PALB2: variants seen among roughly 807,000 people sequenced by gnomAD.
PALB2 encodes the protein partner and localizer of BRCA2.
In PALB2, 82 loss-of-function variants were observed where a neutral mutation model predicts 107.4. That is an observed-to-expected ratio of 0.76 (90% CI 0.64 to 0.92). The LOEUF is 0.92. Among genes scored for constraint, PALB2 ranks in the 40% least tolerant of loss-of-function variants. The probability of loss-of-function intolerance (pLI) is 0.00; values close to 1 mark genes in which losing one functional copy is unlikely to be tolerated. For synonymous variants in PALB2, 489 were observed against 496.8 expected (o/e 0.98, Z 0.21); for missense variants, 1,374 against 1,379.9 (o/e 1.00, Z 0.07).
At chr16:23,626,448 T>C (rs1239860746) in intron 6 of PALB2, 51 bp from the exon 7 acceptor site, 1 of 1,599,304 alleles carries the variant, frequency 6.3e-7, no homozygotes, top group South Asian at 1.1e-5. Context: ...TGCTGTTTTA[T>C]GCAAAGCATA....
intron 11 of PALB2, among the ~76,000 whole-genome samples, chr16:23,610,923 C>T (rs1488863992): frequency 6.6e-6 from 1 of 151,778 alleles, no homozygotes; most frequent in Non-Finnish European, 1.5e-5. Context: ...ACCTGTAATC[C>T]CAGCTACTTG....
intron 1 of PALB2, among the ~76,000 whole-genome samples, chr16:23,638,807 T>C (rs1967130783): frequency 1.3e-5 from 2 of 152,086 alleles, no homozygotes; most frequent in African/African-American, 4.8e-5. Flanking sequence ...AGGGAGGCAT[T>C]TTTGACTATC....
In PALB2 at chr16:23,614,677, G is replaced by A. The variant is rs1365631687; in HGVS notation, c.3114-586C>T. On this transcript the variant is annotated intron_variant, in intron 10 of 12. Transcript: ENST00000261584. Reference sequence around the variant, plus strand: ...TTTTTTTTTTTTTTTTTGAGACGGAGTCTCGCTCTGTGGCCCAGGCTGGAG... The same window carrying A: ...TTTTTTTTTTTTTTTTTGAGACGGAATCTCGCTCTGTGGCCCAGGCTGGAG... Among the ~76,000 whole-genome samples the A allele has an allele frequency of 2.6e-4, 35 of 133,434 alleles. No homozygotes were observed. The South Asian group carries it at 5.0e-3, about 19-fold the overall frequency. 87.5% of individuals were successfully genotyped at this position (133,434 alleles called of 152,430 possible). A position where few individuals can be genotyped will look rare whatever the true frequency, so the allele number is the denominator to read the frequency against.
At chr16:23,611,778 G>A (rs1002408548) in intron 11 of PALB2, among the ~76,000 whole-genome samples, 2 of 152,090 alleles carry the variant, frequency 1.3e-5, no homozygotes, top group Non-Finnish European at 2.9e-5. Flanking sequence ...TTTTGGGACA[G>A]GGTCTCACTC....
rs1424944402 is a variant in PALB2 at position 23,641,137 on chromosome 16, C to T, written c.21G>A (p.Lys7=). 5 of 1,613,366 alleles carry T rather than the reference C, an allele frequency of 3.1e-6. No homozygotes were observed. Among genetic ancestry groups the T allele is most frequent in the South Asian group, 1.1e-5 (1 of 90,966 alleles). MDEPPG[K]PLSCEEKEKL... is the part of the protein sequence containing the mutation. ...TTTCCTTCTCCTCACAGCTGAGGGG[C>T]TTCCCGGGAGGCTCGTCCATCGGGC... Residue 7 remains lysine (K), a synonymous_variant, in exon 1 of 13, where the codon AAG becomes AAA. Transcript: ENST00000261584.
chr16:23,638,183 G>A lies in PALB2; in HGVS notation c.49-54C>T, dbSNP rs515726121. ...GGGCAAGTGGAAAGGTGGAGTCAGAGGGAAGGGATGCAGTGCTTGGCGGGG... is the reference window on the plus strand; with the variant it reads ...GGGCAAGTGGAAAGGTGGAGTCAGAAGGAAGGGATGCAGTGCTTGGCGGGG... On this transcript the variant is annotated intron_variant, in intron 1 of 12. Coordinates refer to ENST00000261584, the MANE Select transcript of PALB2 (RefSeq NM_024675.4). 6.2e-4 allele frequency: 899 copies of A among 1,448,962 alleles called. No individual in the cohort carries two copies. The highest frequency in any genetic ancestry group is 1.3e-3 in the Admixed American group (78 of 59,830). The allele number at this position is 1,448,962 out of a possible 1,614,324, so 89.8% of individuals were successfully genotyped here.
In PALB2 at chr16:23,630,235, G is replaced by T. The variant is rs760094988; in HGVS notation, c.1919C>A (p.Ser640Ter). The change falls in exon 5 of 13, where the codon TCA becomes TAA. Residue 640 changes from serine to a stop codon, truncating the protein, a stop_gained. Coordinates refer to ENST00000261584, the MANE Select transcript of PALB2 (RefSeq NM_024675.4). LOFTEE classifies it high-confidence loss of function. ...CSEKPVEPFE[S>*]KMFGERHLKE... ...AAGATGTCTCTCTCCAAACATTTTT[G>T]ACTCAAAGGGCTCCACTGGTTTTTC... 1 of 1,614,006 alleles carries T rather than the reference G, an allele frequency of 6.2e-7. No homozygotes were observed. The highest frequency in any genetic ancestry group is 8.5e-7 in the Non-Finnish European group (1 of 1,180,006).
Position 23,626,244 on chromosome 16 carries a change from A to G in PALB2, c.2740T>C (p.Phe914Leu), listed in dbSNP as rs2142353067. Residue 914 changes from phenylalanine (F) to leucine (L), a missense_variant, in exon 7 of 13, where the codon TTC becomes CTC. Coordinates refer to ENST00000261584, the MANE Select transcript of PALB2 (RefSeq NM_024675.4). Reference sequence around the variant, plus strand: ...TCGAGATTCCCACTTACCTCTGCGAAGTGCCAGGTATAAAGTTTTTCCCAC... The same window carrying G: ...TCGAGATTCCCACTTACCTCTGCGAGGTGCCAGGTATAAAGTTTTTCCCAC... ...WQWEKLYTWH[F>L]AEVPVLQIVP... 1 of 1,614,210 alleles carries G rather than the reference A, an allele frequency of 6.2e-7. No individual in the cohort carries two copies. Among genetic ancestry groups the G allele is most frequent in the Non-Finnish European group, 8.5e-7 (1 of 1,180,038 alleles).
At chr16:23,609,411 T>G (rs1425660228) in intron 11 of PALB2, among the ~76,000 whole-genome samples, 2 of 151,834 alleles carry the variant, frequency 1.3e-5, no homozygotes, top group Non-Finnish European at 2.9e-5. Context: ...AATGAGAGAG[T>G]GAGACCCTAT....
chr16:23,620,924 A>C (rs2142324230), intron 10 of PALB2, among the ~76,000 whole-genome samples: 1 of 152,244 alleles, frequency 6.6e-6, no homozygotes, highest in East Asian at 1.9e-4. Flanking sequence ...AAATACAAAA[A>C]TTAGCCAGGC....
chr16:23,623,096 T>G lies in PALB2; in HGVS notation c.2869A>C (p.Lys957Gln), dbSNP rs515726103. Residue 957 changes from lysine to glutamine, a missense_variant, in exon 9 of 13, where the codon AAG (lysine) becomes CAG (glutamine). Coordinates refer to ENST00000261584, the MANE Select transcript of PALB2 (RefSeq NM_024675.4). ...TTTCCAGACTTCAGTAGTACTTGCT[T>G]TTCACTTTCATCATCAGAGGAACAA... ...LFCSSDDESEKQVLLKSGNIK... is the reference protein window; with the variant it reads ...LFCSSDDESEQQVLLKSGNIK... 11 of 1,614,078 alleles carry G rather than the reference T, an allele frequency of 6.8e-6. No individual in the cohort carries two copies. Among genetic ancestry groups the G allele is most frequent in the Middle Eastern group, 3.3e-4 (2 of 6,062 alleles).
In PALB2 at chr16:23,635,329, G is replaced by A. The variant is rs1060502757; in HGVS notation, c.1217C>T (p.Ala406Val). The A allele has an allele frequency of 2.5e-6, 4 of 1,613,940 alleles. No individual in the cohort carries two copies. Among genetic ancestry groups the A allele is most frequent in the Non-Finnish European group, 3.4e-6 (4 of 1,180,018 alleles). Residue 406 changes from alanine to valine, a missense_variant, in exon 4 of 13, where the codon GCA (alanine) becomes GTA (valine). Coordinates refer to ENST00000261584, the MANE Select transcript of PALB2 (RefSeq NM_024675.4). ...TCGTGTTGTTCTAACATAATATTCT[G>A]CAGGAAACAGAAGGCCTTCAGGCAC... ...CTVPEGLLFP[A>V]EYYVRTTRSM... is the part of the protein sequence containing the mutation.
chr16:23,610,764 A>G (rs1368357242), intron 11 of PALB2, among the ~76,000 whole-genome samples: 1 of 151,870 alleles, frequency 6.6e-6, no homozygotes, highest in Admixed American at 6.6e-5. Flanking sequence ...TAGGCCAGGC[A>G]TGGTGGCTTA....
chr16:23,634,838 A>G, intron 4 of PALB2, 24 bp downstream of exon 4: 2 of 1,603,110 alleles, frequency 1.2e-6, no homozygotes, highest in South Asian at 1.1e-5. Context: ...CATCATCATC[A>G]TCATCAAACA....
chr16:23,637,803 TG>T (rs2142454768), intron 3 of PALB2, 46 bp downstream of exon 3: 1 of 1,442,472 alleles, frequency 6.9e-7, no homozygotes, highest in Non-Finnish European at 9.8e-7. Context: ...AAAATATACC[TG>T]GGAAATGAAT....
At chr16:23,617,034 C>T (rs1966696451) in intron 10 of PALB2, among the ~76,000 whole-genome samples, 1 of 151,968 alleles carries the variant, frequency 6.6e-6, no homozygotes, top group Non-Finnish European at 1.5e-5. Context: ...GGATGGACTC[C>T]ATCTCCTGAC....
rs1375713365 is a variant in PALB2, at chr16:23,629,203, C to A, written c.2586+1G>T. 1.2e-6 allele frequency: 2 copies of A among 1,608,786 alleles called. No individual in the cohort carries two copies. The highest frequency in any genetic ancestry group is 2.2e-5 in the South Asian group (2 of 90,980). ...ACACTGGAAGAGAATATTCTTCTGA[C>A]CTTTAACTCTGAAACCAATTGTAGG... On this transcript the variant is annotated splice_donor_variant, in intron 6 of 12. Transcript: ENST00000261584. LOFTEE classifies it high-confidence loss of function.
chr16:23,620,312 T>G (rs752264833), intron 10 of PALB2, among the ~76,000 whole-genome samples: 21 of 152,272 alleles, frequency 1.4e-4, no homozygotes, highest in Non-Finnish European at 2.6e-4. Context: ...TTTTGCTCTC[T>G]CCTTTTTAGG....
At chr16:23,638,671 G>T in intron 1 of PALB2, 1 of 374,802 alleles carries the variant, frequency 2.7e-6, no homozygotes, top group African/African-American at 2.1e-5. Flanking sequence ...ATACAGTGAG[G>T]GAGACAGATA....
Sources: gnomAD v4.1 joint callset for allele counts (sites outside exome capture counted in the v4.1 genomes callset) on GRCh38, gnomAD v4.1.1 for gene constraint, MANE v1.5 for transcripts, NCBI Gene and HGNC (gene_info 2026-07-23, HGNC 2026-07-21) for gene names.